The following SLC25A38 variants were observed in gnomAD, a reference collection of about 807,000 sequenced individuals.
The protein encoded by SLC25A38 is mitochondrial glycine transporter.
SLC25A38 carries 27 observed loss-of-function variants against 33.4 expected under a neutral mutation model. The observed-to-expected ratio is 0.81, with a 90% CI of 0.60 to 1.11. The LOEUF (loss-of-function observed/expected upper bound fraction) is 1.11. Among genes scored for constraint, SLC25A38 ranks in the 50% most tolerant of loss-of-function variants. The pLI is 0.00. For missense variants in SLC25A38, 344 were observed against 388.8 expected (o/e 0.88, Z 0.97); for synonymous variants, 123 against 145.9 (o/e 0.84, Z 1.13).
chr3:39,391,965 C>G lies in SLC25A38; in HGVS notation c.569C>G (p.Pro190Arg), dbSNP rs2125580580. The G allele has an allele frequency of 6.2e-7, 1 of 1,614,188 alleles. No individual in the cohort carries two copies. Among genetic ancestry groups the G allele is most frequent in the South Asian group, 1.1e-5 (1 of 91,080 alleles). ...GLTATLLRDA[P>R]FSGIYLMFYN... ...ACAGCAACTCTCCTTCGAGATGCGCCCTTCTCAGGAATCTACCTGATGTTT... is the reference window on the plus strand; with the variant it reads ...ACAGCAACTCTCCTTCGAGATGCGCGCTTCTCAGGAATCTACCTGATGTTT... Residue 190 changes from proline (P) to arginine (R), a missense_variant, in exon 5 of 7, where the codon CCC (proline) becomes CGC (arginine). By Grantham distance (103) the Pro-to-Arg change is moderately radical. Around this residue, in one of 2 missense-constraint regions of SLC25A38, gnomAD observed 269 missense variants for 271.8 expected, o/e 0.99. Transcript: ENST00000650617.
chr3:39,389,977 G>A lies in SLC25A38; in HGVS notation c.191+361G>A, dbSNP rs2041743650. ...GTTTTTTGAGGCAGATGCTCGCTCT[G>A]TTGCCCAGATTGGAGTGCAGAGGTG... On this transcript the variant is annotated intron_variant, in intron 2 of 6. Transcript: ENST00000650617. The surrounding 1 kb of genome is among the most constrained non-coding windows in gnomAD (Gnocchi z 4.5). Among the ~76,000 whole-genome samples the A allele has an allele frequency of 6.6e-6, 1 of 152,178 alleles. No homozygotes were observed. Among genetic ancestry groups the A allele is most frequent in the Admixed American group, 6.5e-5 (1 of 15,286 alleles).
In SLC25A38 at chr3:39,391,621, G is replaced by A. The variant is rs142219674; in HGVS notation, c.456+1G>A. 6.2e-7 allele frequency: 1 copy of A among 1,614,076 alleles called. No homozygotes were observed. Among genetic ancestry groups the A allele is most frequent in the African/African-American group, 1.3e-5 (1 of 74,918 alleles). ...CACTGTAATCAAGACGCGCTATGAGGTGAGTTCAACCACTTTAGGGCCTCA... is the reference window on the plus strand; with the variant it reads ...CACTGTAATCAAGACGCGCTATGAGATGAGTTCAACCACTTTAGGGCCTCA... On this transcript the variant is annotated splice_donor_variant, in intron 4 of 6. Coordinates refer to ENST00000650617, the MANE Select transcript of SLC25A38 (RefSeq NM_017875.4). LOFTEE classifies it high-confidence loss of function.
chr3:39,388,444 C>A (rs2041728113), intron 1 of SLC25A38: 1 of 152,082 alleles, frequency 6.6e-6, no homozygotes, highest in African/African-American at 2.4e-5. Context: ...TAAGCAAATA[C>A]TGCAGATTAC....
At chr3:39,392,211 T>G (rs2041778960) in intron 5 of SLC25A38, among the ~76,000 whole-genome samples, 190 bp downstream of exon 5, 1 of 134,512 alleles carries the variant, frequency 7.4e-6, no homozygotes, top group Non-Finnish European at 1.5e-5. Context: ...GGAGTTTACA[T>G]CCTATTAAGG....
chr3:39,389,024 C>A lies in SLC25A38; in HGVS notation c.70-471C>A, dbSNP rs1157880467. 6.6e-6 allele frequency among the ~76,000 whole-genome samples: 1 copy of A among 152,202 alleles called. No homozygotes were observed. Among genetic ancestry groups the A allele is most frequent in the Non-Finnish European group, 1.5e-5 (1 of 68,044 alleles). Reference sequence around the variant, plus strand: ...TAGGTTCTACAGGAAGTGGCACTTACATTTTACACAGTGGTTGAGCTTAAG... The same window carrying A: ...TAGGTTCTACAGGAAGTGGCACTTAAATTTTACACAGTGGTTGAGCTTAAG... On this transcript the variant is annotated intron_variant, in intron 1 of 6. Transcript: ENST00000650617. The surrounding 1 kb of genome is among the most constrained non-coding windows in gnomAD (Gnocchi z 4.5).
At chr3:39,394,387 A>G in intron 5 of SLC25A38, 23 bp from the exon 6 acceptor site, 7 of 1,607,918 alleles carry the variant, frequency 4.4e-6, no homozygotes, top group Non-Finnish European at 5.1e-6. Context: ...CTATGTCCAC[A>G]TGTTACCTTT....
intron 6 of SLC25A38, among the ~76,000 whole-genome samples, chr3:39,395,410 T>TA (rs11335930): frequency 4.7e-5 from 7 of 150,418 alleles, no homozygotes; most frequent in Admixed American, 1.3e-4. Context: ...TTATTTAAAT[T>TA]AAAAAAAAAA....
chr3:39,393,200 C>T (rs541053884), intron 5 of SLC25A38, among the ~76,000 whole-genome samples: 3 of 152,158 alleles, frequency 2.0e-5, no homozygotes, highest in Admixed American at 6.6e-5. Context: ...GCACGAGAAT[C>T]GCTTAAGCCT....
intron 1 of SLC25A38, among the ~76,000 whole-genome samples, chr3:39,384,229 G>A (rs893079414): frequency 4.6e-5 from 7 of 152,220 alleles, no homozygotes; most frequent in Non-Finnish European, 7.3e-5. Context: ...GCGCCCGCGG[G>A]CGGCGGCCTA....
intron 1 of SLC25A38, among the ~76,000 whole-genome samples, chr3:39,387,177 G>A (rs58670927): frequency 0.021 from 3,229 of 152,278 alleles, 125 homozygotes; most frequent in African/African-American, 0.074. Flanking sequence ...AGACTGGGTG[G>A]TATGGTGAAA....
rs144149294 is a variant in SLC25A38, at chr3:39,390,470, C to G, written c.239C>G (p.Thr80Arg). The G allele has an allele frequency of 7.8e-3, 12,602 of 1,614,130 alleles. 66 individuals carry two copies. Among genetic ancestry groups the G allele is most frequent in the Non-Finnish European group, 9.8e-3 (11,538 of 1,180,022 alleles). ...GCTGTACTCTTGAAGGTGGTTCGCA[C>G]GGAGAGTCTTTTGGGCCTTTGGAAA... Reference protein sequence around the residue: ...MLAVLLKVVRTESLLGLWKGM... With the variant: ...MLAVLLKVVRRESLLGLWKGM... Residue 80 changes from threonine (T) to arginine (R), a missense_variant, in exon 3 of 7, where the codon ACG becomes AGG. By Grantham distance (71) the Thr-to-Arg change is moderately conservative. This residue lies in a region of SLC25A38 where 269 missense variants were observed against 271.8 expected (regional missense o/e 0.99). Coordinates refer to ENST00000650617, the MANE Select transcript of SLC25A38 (RefSeq NM_017875.4).
In SLC25A38 at chr3:39,385,749, A is replaced by G. The variant is rs550035895; in HGVS notation, c.69+1956A>G. ...AGATATCACCATGAACAAGACAGGC[A>G]GGAGTTGTGACTATTCTGTCTTTGA... On this transcript the variant is annotated intron_variant, in intron 1 of 6. Coordinates refer to ENST00000650617, the MANE Select transcript of SLC25A38 (RefSeq NM_017875.4). Among the ~76,000 whole-genome samples, 6 of 152,380 alleles carry G rather than the reference A, an allele frequency of 3.9e-5. No individual in the cohort carries two copies. In the South Asian group the frequency reaches 1.2e-3, roughly 32 times the overall value.
chr3:39,384,338 G>C, intron 1 of SLC25A38: 1 of 236,982 alleles, frequency 4.2e-6, no homozygotes, highest in Non-Finnish European at 8.1e-6. Flanking sequence ...ATTGGTCATC[G>C]TGCCCGGGCC....
chr3:39,390,605 A>C lies in SLC25A38; in HGVS notation c.276+98A>C, dbSNP rs146503045. On this transcript the variant is annotated intron_variant, in intron 3 of 6. Coordinates refer to ENST00000650617, the MANE Select transcript of SLC25A38 (RefSeq NM_017875.4). Reference sequence around the variant, plus strand: ...CAGCTCTTAAGGATATGTGAGAGTCAGAAGTGGTGGGAGTACCTATGTGGT... The same window carrying C: ...CAGCTCTTAAGGATATGTGAGAGTCCGAAGTGGTGGGAGTACCTATGTGGT... 2,163 of 1,260,814 alleles carry C rather than the reference A, an allele frequency of 1.7e-3. 2 individuals carry two copies. Among genetic ancestry groups the C allele is most frequent in the Non-Finnish European group, 2.1e-3 (1,782 of 863,576 alleles). The allele number at this position is 1,260,814 out of a possible 1,614,324, so 78.1% of individuals were successfully genotyped here.
chr3:39,383,834 G>A, intron 1 of SLC25A38, 41 bp downstream of exon 1: 1 of 1,606,830 alleles, frequency 6.2e-7, no homozygotes, highest in Non-Finnish European at 8.5e-7. Context: ...GGTCCGAACC[G>A]CGGGCTCGGG....
chr3:39,390,427 A>G lies in SLC25A38; in HGVS notation c.196A>G (p.Arg66Gly), dbSNP rs34127778. The change falls in exon 3 of 7, where the codon AGA becomes GGA. Residue 66 changes from arginine to glycine, a missense_variant. This residue lies in a region of SLC25A38 where 269 missense variants were observed against 271.8 expected (regional missense o/e 0.99). Coordinates refer to ENST00000650617, the MANE Select transcript of SLC25A38 (RefSeq NM_017875.4). ...QTLQPSDHGS[R>G]RVGMLAVLLK... ...CTCCATTTTGTCTGCTTTCAGGTCT[A>G]GACGTGTTGGGATGTTGGCTGTACT... 7.1e-4 allele frequency: 1,143 copies of G among 1,614,178 alleles called. 4 individuals are homozygous for G. In the African/African-American group the frequency reaches 0.011, roughly 15 times the overall value.
intron 1 of SLC25A38, chr3:39,384,337 C>T (rs2041683531): frequency 4.2e-6 from 1 of 236,284 alleles, no homozygotes; most frequent in Non-Finnish European, 8.1e-6. Flanking sequence ...GATTGGTCAT[C>T]GTGCCCGGGC....
In SLC25A38 at chr3:39,390,475, A is replaced by G. The variant is rs775388727; in HGVS notation, c.244A>G (p.Ser82Gly). The G allele has an allele frequency of 6.2e-7, 1 of 1,613,964 alleles. No individual in the cohort carries two copies. The highest frequency in any genetic ancestry group is 2.2e-5 in the East Asian group (1 of 44,880). ...AVLLKVVRTE[S>G]LLGLWKGMSP... Reference sequence around the variant, plus strand: ...ACTCTTGAAGGTGGTTCGCACGGAGAGTCTTTTGGGCCTTTGGAAAGGGAT... The same window carrying G: ...ACTCTTGAAGGTGGTTCGCACGGAGGGTCTTTTGGGCCTTTGGAAAGGGAT... The change falls in exon 3 of 7, where the codon AGT becomes GGT. Residue 82 changes from serine (S) to glycine (G), a missense_variant. By Grantham distance (56) the Ser-to-Gly change is moderately conservative. Coordinates refer to ENST00000650617, the MANE Select transcript of SLC25A38 (RefSeq NM_017875.4).
intron 5 of SLC25A38, among the ~76,000 whole-genome samples, chr3:39,393,288 C>T (rs144775154): frequency 0.014 from 2,143 of 150,920 alleles, 40 homozygotes; most frequent in African/African-American, 0.05. Flanking sequence ...AGTGAGACTC[C>T]GTCTCAAAAA....
Sources: gnomAD v4.1 joint callset for allele counts (sites outside exome capture counted in the v4.1 genomes callset) on GRCh38, gnomAD v4.1.1 for gene constraint, gnomAD v4.1.1 regional missense constraint, Gnocchi (gnomAD v3.1) non-coding constraint, MANE v1.5 for transcripts, NCBI Gene and HGNC (gene_info 2026-07-23, HGNC 2026-07-21) for gene names.